FKBP5: variants seen among roughly 807,000 people sequenced by gnomAD.
The protein encoded by FKBP5 is peptidyl-prolyl cis-trans isomerase FKBP5.
A neutral mutation model predicts 50.5 loss-of-function variants in FKBP5; 23 were observed. The ratio of observed to expected loss-of-function variants is 0.46; its 90% CI spans 0.33 to 0.65. The LOEUF (loss-of-function observed/expected upper bound fraction) is 0.65, where lower values mean the gene tolerates loss of function less well. FKBP5 is among the 30% of genes least tolerant of loss of function. FKBP5 has a pLI of 0.02. For missense variants in FKBP5, 411 were observed against 553.1 expected, an observed-to-expected ratio of 0.74 and a Z score of 2.58; for synonymous variants, 176 against 190.6, an observed-to-expected ratio of 0.92 and a Z score of 0.63.
At chr6:35,603,695 C>A (rs78685770) in intron 5 of FKBP5, among the ~76,000 whole-genome samples, 10,889 of 150,096 alleles carry the variant, frequency 0.073, 773 homozygotes, top group African/African-American at 0.2. Flanking sequence ...AGACTGTTTT[C>A]TTTCTTTTTT....
chr6:35,709,091 T>A (rs1200867572), intron 2 of FKBP5, among the ~76,000 whole-genome samples: 1 of 152,176 alleles, frequency 6.6e-6, no homozygotes, highest in African/African-American at 2.4e-5. Flanking sequence ...GGCAAGTTAC[T>A]AAAGAAAGAA....
chr6:35,725,072 T>C (rs1766677652), intron 1 of FKBP5, among the ~76,000 whole-genome samples: 1 of 152,204 alleles, frequency 6.6e-6, no homozygotes, highest in African/African-American at 2.4e-5. Flanking sequence ...TAATATCCCA[T>C]GCTCCTGGGG....
intron 2 of FKBP5, among the ~76,000 whole-genome samples, chr6:35,704,576 G>A (rs984486011): frequency 1.2e-4 from 17 of 138,262 alleles, no homozygotes; most frequent in African/African-American, 4.6e-4. Flanking sequence ...GAGAAAGCCC[G>A]ATAGCTTGTC....
intron 6 of FKBP5, among the ~76,000 whole-genome samples, chr6:35,592,411 A>G (rs1423694100): frequency 6.6e-6 from 1 of 152,224 alleles, no homozygotes; most frequent in Non-Finnish European, 1.5e-5. Flanking sequence ...AAAGAGGAAT[A>G]GAGATACGAG....
intron 1 of FKBP5, among the ~76,000 whole-genome samples, chr6:35,722,549 T>C (rs548325617): frequency 7.9e-5 from 12 of 152,294 alleles, no homozygotes; most frequent in Non-Finnish European, 1.5e-4. Flanking sequence ...CACGAGGTTC[T>C]GCACCATCTG....
chr6:35,602,073 G>A (rs1224156899), intron 5 of FKBP5, among the ~76,000 whole-genome samples: 1 of 152,058 alleles, frequency 6.6e-6, no homozygotes, highest in Non-Finnish European at 1.5e-5. Flanking sequence ...ATTTTGTTTT[G>A]AAGAGCACAG....
intron 3 of FKBP5, among the ~76,000 whole-genome samples, chr6:35,628,166 G>A (rs1488935822): frequency 2.0e-5 from 3 of 152,062 alleles, no homozygotes; most frequent in African/African-American, 4.8e-5. Context: ...TGCAGATGGT[G>A]TAAGATAAGG....
chr6:35,718,886 T>G (rs1766558335), intron 2 of FKBP5, among the ~76,000 whole-genome samples: 1 of 152,096 alleles, frequency 6.6e-6, no homozygotes, highest in South Asian at 2.1e-4. Context: ...ACAGGGGCCC[T>G]AAACTCTGCC....
chr6:35,687,171 T>G (rs1226173261), intron 1 of FKBP5, among the ~76,000 whole-genome samples: 1 of 152,210 alleles, frequency 6.6e-6, no homozygotes, highest in Non-Finnish European at 1.5e-5. Flanking sequence ...AAATCTTACC[T>G]AATACAGATA....
chr6:35,705,357 C>A (rs1766289270), intron 2 of FKBP5, among the ~76,000 whole-genome samples: 3 of 146,678 alleles, frequency 2.0e-5, no homozygotes, highest in South Asian at 4.5e-4. Flanking sequence ...ACCTCTGCCT[C>A]CCAGGTTCAA....
chr6:35,584,880 A>G (rs1762554557), intron 8 of FKBP5: 3 of 985,350 alleles, frequency 3.0e-6, no homozygotes, highest in African/African-American at 1.7e-5. Flanking sequence ...TCATAATAGT[A>G]TCACTCTTGC....
chr6:35,637,766 ACT>A (rs1277733419), intron 2 of FKBP5, among the ~76,000 whole-genome samples: 1 of 151,638 alleles, frequency 6.6e-6, no homozygotes, highest in Non-Finnish European at 1.5e-5. Flanking sequence ...CCGACACTAA[ACT>A]CTCTAACACA....
chr6:35,574,594 C>G lies in FKBP5; in HGVS notation c.*1241G>C, dbSNP rs1157265582. 1 of 152,406 alleles carries G rather than the reference C, an allele frequency of 6.6e-6. No homozygotes were observed. The highest frequency in any genetic ancestry group is 1.5e-5 in the Non-Finnish European group (1 of 68,038). 9.4% of individuals were successfully genotyped at this position (152,406 alleles called of 1,614,324 possible). A position where few individuals can be genotyped will look rare whatever the true frequency, so the allele number is the denominator to read the frequency against. ...AGCTGTCTTCAACTCTTTCACAACTCACGCCAGAACAGAGAAGCTTGACAG... is the reference window on the plus strand; with the variant it reads ...AGCTGTCTTCAACTCTTTCACAACTGACGCCAGAACAGAGAAGCTTGACAG... On this transcript the variant is annotated 3_prime_UTR_variant, in exon 11 of 11. Transcript: ENST00000357266.
At chr6:35,692,953 C>G (rs927488786), upstream of FKBP5, among the ~76,000 whole-genome samples, 2 of 151,414 alleles carry the variant, frequency 1.3e-5, no homozygotes, top group Admixed American at 6.6e-5. Context: ...TTCTGGGGCT[C>G]CAGTTGAAAC....
At chr6:35,728,477 G>A (rs1016511899) in intron 1 of FKBP5, 6 of 152,394 alleles carry the variant, frequency 3.9e-5, no homozygotes, top group Non-Finnish European at 7.3e-5. Flanking sequence ...CACAGCTGCT[G>A]TGTACATGTC....
At position 35,637,018 on chromosome 6, in the gene FKBP5, G is replaced by A. The variant is rs749128269; in HGVS notation, c.246C>T (p.Gly82=). The change falls in exon 3 of 11, where the codon GGC becomes GGT. Residue 82 remains glycine, a synonymous_variant. Transcript: ENST00000357266. ...CTCAAAAAAATACCCTCTTACCTTT[G>A]CCAAGACTAAAGACAAATGGTTCAT... ...DRNEPFVFSL[G]KGQVIKAWDI... 7 of 1,594,134 alleles carry A rather than the reference G, an allele frequency of 4.4e-6. No homozygotes were observed. Among genetic ancestry groups the A allele is most frequent in the Non-Finnish European group, 6.0e-6 (7 of 1,175,480 alleles).
intron 1 of FKBP5, among the ~76,000 whole-genome samples, chr6:35,663,811 C>T (rs1765141016): frequency 6.6e-6 from 1 of 152,160 alleles, no homozygotes; most frequent in Non-Finnish European, 1.5e-5. Flanking sequence ...ATAATCAGCC[C>T]CACTATGTTT....
intron 1 of FKBP5, among the ~76,000 whole-genome samples, chr6:35,687,688 T>A (rs557587482): frequency 3.5e-4 from 53 of 152,256 alleles, no homozygotes; most frequent in African/African-American, 1.2e-3. Context: ...AACATACTCC[T>A]GAAAAGTAAA....
chr6:35,603,613 T>TA (rs1763212673), intron 5 of FKBP5, among the ~76,000 whole-genome samples: 2 of 144,664 alleles, frequency 1.4e-5, no homozygotes, highest in African/African-American at 5.2e-5. Context: ...AATACTATTC[T>TA]AAAATAAATG....
Sources: allele counts gnomAD v4.1 joint callset (sites outside exome capture counted in the v4.1 genomes callset), GRCh38; gene constraint gnomAD v4.1.1; transcripts MANE v1.5; gene names NCBI Gene and HGNC (gene_info 2026-07-23, HGNC 2026-07-21).